Variants in XNDC1N observed in about 807,000 individuals in gnomAD.
The protein encoded by XNDC1N is protein XNDC1N.
chr11:71,896,859 C>T, the XNDC1N span, among the ~76,000 whole-genome samples: 2 of 152,200 alleles, frequency 1.3e-5, no homozygotes, highest in South Asian at 2.1e-4. Context: ...CGACTGCGGC[C>T]GGCCCATGCT....
chr11:71,886,937 A>C, the XNDC1N span, among the ~76,000 whole-genome samples: 1 of 152,186 alleles, frequency 6.6e-6, no homozygotes, highest in Non-Finnish European at 1.5e-5. Flanking sequence ...AGTTTGCAGC[A>C]TAACCAGTGT....
At chr11:71,906,768 G>A in the XNDC1N span, among the ~76,000 whole-genome samples, 1 of 152,088 alleles carries the variant, frequency 6.6e-6, no homozygotes, top group Admixed American at 6.5e-5. Context: ...GTGACGTTAG[G>A]AGTCACATCC....
chr11:71,908,673 G>T, the XNDC1N span, among the ~76,000 whole-genome samples: 2 of 152,062 alleles, frequency 1.3e-5, no homozygotes. Context: ...ATACCGAAAA[G>T]CCACAAGCCC....
At chr11:71,916,649 C>T in the XNDC1N span, 9 of 189,412 alleles carry the variant, frequency 4.8e-5, no homozygotes, top group Non-Finnish European at 6.7e-5. Context: ...CCTCACACCA[C>T]CACGTGCTCT....
the XNDC1N span, among the ~76,000 whole-genome samples, chr11:71,874,907 G>A: frequency 6.6e-6 from 1 of 152,024 alleles, no homozygotes; most frequent in Non-Finnish European, 1.5e-5. Context: ...CTGGAAAATA[G>A]TGTATACTAA....
At chr11:71,871,623 T>A in the XNDC1N span, among the ~76,000 whole-genome samples, 1 of 152,310 alleles carries the variant, frequency 6.6e-6, no homozygotes, top group South Asian at 2.1e-4. Flanking sequence ...TAACATCACT[T>A]TGTACCCAAT....
chr11:71,867,595 G>A, the XNDC1N span, among the ~76,000 whole-genome samples: 1 of 152,150 alleles, frequency 6.6e-6, no homozygotes, highest in African/African-American at 2.4e-5. Context: ...GTAATTGTAT[G>A]GTTTTTAGTG....
chr11:71,879,513 C>T, the XNDC1N span, among the ~76,000 whole-genome samples: 3 of 152,124 alleles, frequency 2.0e-5, no homozygotes, highest in Non-Finnish European at 4.4e-5. Flanking sequence ...TCAAGATTCC[C>T]TCATTTATAT....
At chr11:71,902,679 T>C in the XNDC1N span, among the ~76,000 whole-genome samples, 363 of 152,352 alleles carry the variant, frequency 2.4e-3, no homozygotes, top group Middle Eastern at 0.01. Flanking sequence ...TTATGAACTA[T>C]CAACTTCCAT....
chr11:71,924,910 G>A, the XNDC1N span, among the ~76,000 whole-genome samples: 96 of 152,102 alleles, frequency 6.3e-4, no homozygotes, highest in African/African-American at 2.2e-3. Flanking sequence ...TTTTATTCAT[G>A]TTTACTACCC....
At chr11:71,866,325 T>C in the XNDC1N span, among the ~76,000 whole-genome samples, 2 of 152,134 alleles carry the variant, frequency 1.3e-5, no homozygotes, top group Non-Finnish European at 2.9e-5. Context: ...TAAGACTGGG[T>C]GAATTACATG....
the XNDC1N span, among the ~76,000 whole-genome samples, chr11:71,875,097 A>C: frequency 6.6e-6 from 1 of 152,212 alleles, no homozygotes; most frequent in Non-Finnish European, 1.5e-5. Context: ...AATTATAAAC[A>C]CAAAACAATG....
At chr11:71,903,640 T>G in the XNDC1N span, 3,025 of 480,530 alleles carry the variant, frequency 6.3e-3, 57 homozygotes, top group East Asian at 0.064. Context: ...GTTGTCCTTG[T>G]TTTTTTTTTC....
the XNDC1N span, among the ~76,000 whole-genome samples, chr11:71,897,423 C>A: frequency 6.6e-6 from 1 of 152,226 alleles, no homozygotes; most frequent in African/African-American, 2.4e-5. Context: ...TCAGAAGACG[C>A]GAGTAGACGT....
the XNDC1N span, among the ~76,000 whole-genome samples, chr11:71,870,812 G>A: frequency 6.6e-6 from 1 of 152,070 alleles, no homozygotes; most frequent in Non-Finnish European, 1.5e-5. Context: ...TAGGGAAATG[G>A]AAATTAAAAC....
chr11:71,894,842 A>G, the XNDC1N span, among the ~76,000 whole-genome samples: 1 of 152,206 alleles, frequency 6.6e-6, no homozygotes, highest in Non-Finnish European at 1.5e-5. Context: ...CACTATACAT[A>G]ATTTTGCTTC....
At chr11:71,910,659 C>T in the XNDC1N span, among the ~76,000 whole-genome samples, 3 of 152,102 alleles carry the variant, frequency 2.0e-5, no homozygotes, top group Admixed American at 1.3e-4. Context: ...TCAGATCTGC[C>T]GACAGCAGGT....
the XNDC1N span, chr11:71,878,534 C>T: frequency 6.2e-7 from 1 of 1,603,220 alleles, no homozygotes; most frequent in Non-Finnish European, 8.5e-7. Context: ...TTTTTTATTC[C>T]AAAGTTCTAA....
At chr11:71,893,780 T>C in the XNDC1N span, 3 of 1,094,354 alleles carry the variant, frequency 2.7e-6, no homozygotes, top group Admixed American at 6.8e-5. Flanking sequence ...ATTTCCTTCT[T>C]GCTCCTTTTT....
Sources: gnomAD v4.1 joint callset for allele counts (sites outside exome capture counted in the v4.1 genomes callset) on GRCh38, gnomAD v4.1.1 for gene constraint, MANE v1.5 for transcripts, NCBI Gene and HGNC (gene_info 2026-07-23, HGNC 2026-07-21) for gene names.